Variants in LARGE1 observed in about 807,000 individuals in gnomAD.
LARGE1 encodes the protein xylosyl- and glucuronyltransferase LARGE1.
Under a neutral mutation model 87.6 loss-of-function variants are expected in LARGE1, and 43 were observed. That is an observed-to-expected ratio of 0.49 (90% CI 0.38 to 0.63). The LOEUF is 0.63. Among genes scored for constraint, LARGE1 ranks in the 30% least tolerant of loss-of-function variants. The pLI, the probability that LARGE1 is intolerant of heterozygous loss-of-function variation, is 0.00. For missense variants in LARGE1, 802 were observed against 1,000.2 expected, an observed-to-expected ratio of 0.80 and a Z score of 2.67; for synonymous variants, 434 against 394.6, an observed-to-expected ratio of 1.10 and a Z score of -1.18.
the LARGE1 span, among the ~76,000 whole-genome samples, chr22:33,152,448 T>C: frequency 7.9e-4 from 120 of 152,354 alleles, no homozygotes; most frequent in Middle Eastern, 3.4e-3. Flanking sequence ...ATTCCCACTG[T>C]TCCCAAAACG....
chr22:33,421,838 G>A (rs1372946925), intron 7 of LARGE1, among the ~76,000 whole-genome samples: 2 of 152,208 alleles, frequency 1.3e-5, no homozygotes, highest in Non-Finnish European at 2.9e-5. Context: ...ATTTCTGGGG[G>A]TAAGCAGGTG....
intron 1 of LARGE1, among the ~76,000 whole-genome samples, chr22:33,801,062 G>T (rs760425126): frequency 6.6e-6 from 1 of 152,108 alleles, no homozygotes; most frequent in Non-Finnish European, 1.5e-5. Context: ...ATGATAGTGA[G>T]TAAGTCTCAC....
Position 33,416,906 on chromosome 22 carries a change from C to CTTT in LARGE1, c.892+15252_892+15254dup, listed in dbSNP as rs35018256. On this transcript the variant is annotated intron_variant, in intron 7 of 14. Transcript: ENST00000397394. ...ACAGGTGTGAGGCACCACGCCCGGACTTTTTTTTTTTTTTTTTTTGAGACA... is the reference window on the plus strand; with the variant it reads ...ACAGGTGTGAGGCACCACGCCCGGACTTTTTTTTTTTTTTTTTTTTTTGAGACA... Among the ~76,000 whole-genome samples the CTTT allele has an allele frequency of 2.2e-4, 20 of 90,132 alleles. 1 individual carries two copies. Among genetic ancestry groups the CTTT allele is most frequent in the South Asian group, 7.6e-4 (2 of 2,620 alleles). 59.1% of individuals were successfully genotyped at this position (90,132 alleles called of 152,430 possible).
At chr22:33,332,004 T>A (rs767335675) in intron 10 of LARGE1, among the ~76,000 whole-genome samples, 1 of 152,064 alleles carries the variant, frequency 6.6e-6, no homozygotes, top group South Asian at 2.1e-4. Flanking sequence ...TTAATAATCC[T>A]CTGCTTGTCT....
intron 11 of LARGE1, among the ~76,000 whole-genome samples, chr22:33,176,552 C>T (rs1922883277): frequency 6.6e-6 from 1 of 152,090 alleles, no homozygotes; most frequent in Admixed American, 6.6e-5. Flanking sequence ...AAACTTATGA[C>T]AAAATGCTCA....
chr22:33,788,448 C>T (rs887274031), intron 1 of LARGE1, among the ~76,000 whole-genome samples: 2 of 151,650 alleles, frequency 1.3e-5, no homozygotes, highest in East Asian at 3.9e-4. Context: ...ATAAAGATAC[C>T]CAAAAAATGT....
At chr22:33,806,747 C>T (rs977357423) in intron 1 of LARGE1, among the ~76,000 whole-genome samples, 10 of 152,174 alleles carry the variant, frequency 6.6e-5, no homozygotes, top group Admixed American at 5.2e-4. Context: ...CGTGATGGCT[C>T]ATGCCTGTAA....
At chr22:33,689,525 G>A (rs1366721457) in intron 2 of LARGE1, among the ~76,000 whole-genome samples, 1 of 152,100 alleles carries the variant, frequency 6.6e-6, no homozygotes, top group African/African-American at 2.4e-5. Flanking sequence ...AAAGGAAATG[G>A]GTACTGGGAA....
At chr22:33,767,609 G>A (rs971265907) in intron 1 of LARGE1, among the ~76,000 whole-genome samples, 7 of 151,946 alleles carry the variant, frequency 4.6e-5, no homozygotes, top group East Asian at 3.9e-4. Flanking sequence ...CATTCCAAGC[G>A]TGTGCGCCAG....
chr22:33,481,371 C>T (rs559031242), intron 6 of LARGE1, among the ~76,000 whole-genome samples: 1 of 151,586 alleles, frequency 6.6e-6, no homozygotes, highest in South Asian at 2.1e-4. Flanking sequence ...GGGTTTACTT[C>T]TTCAGTGGAG....
At chr22:33,299,438 T>C (rs1423521507) in intron 12 of LARGE1, among the ~76,000 whole-genome samples, 1 of 152,120 alleles carries the variant, frequency 6.6e-6, no homozygotes. Context: ...ACATAGTACA[T>C]GCTCACTACA....
At chr22:33,382,123 C>T (rs2065179889) in intron 8 of LARGE1, 79 bp from the exon 9 acceptor site, 3 of 1,584,968 alleles carry the variant, frequency 1.9e-6, no homozygotes, top group Non-Finnish European at 1.7e-6. Context: ...GGCACTGCAT[C>T]CCCTGTGATA....
rs569189755 is a variant in LARGE1 at position 33,260,233 on chromosome 22, T to C, written c.1730+43996A>G. Reference sequence around the variant, plus strand: ...CACCCTGGCGCTTCCCCTGTGGCCCTGTAAGGCGTGGCATGCCCCCTCCTC... The same window carrying C: ...CACCCTGGCGCTTCCCCTGTGGCCCCGTAAGGCGTGGCATGCCCCCTCCTC... On this transcript the variant is annotated intron_variant, in intron 11 of 11. Coordinates refer to the LARGE1 transcript ENST00000608642. 2.3e-4 allele frequency among the ~76,000 whole-genome samples: 35 copies of C among 152,142 alleles called. No individual in the cohort carries two copies. The East Asian group carries it at 5.2e-3, about 23-fold the overall frequency.
chr22:33,422,331 G>T (rs1409051586), intron 7 of LARGE1, among the ~76,000 whole-genome samples: 1 of 152,174 alleles, frequency 6.6e-6, no homozygotes, highest in Non-Finnish European at 1.5e-5. Context: ...ATAAAGAAAA[G>T]TCATTTCATT....
chr22:33,500,509 A>G (rs2283909), intron 6 of LARGE1, among the ~76,000 whole-genome samples: 41,397 of 152,112 alleles, frequency 0.27, 5,907 homozygotes, highest in African/African-American at 0.31. Context: ...GGATATAAAA[A>G]TTCTAGTGAA....
chr22:33,516,586 A>G (rs757359830), intron 6 of LARGE1, among the ~76,000 whole-genome samples: 57 of 146,280 alleles, frequency 3.9e-4, no homozygotes, highest in Non-Finnish European at 6.7e-4. Flanking sequence ...ACTTCCTCCT[A>G]TTATTATTAT....
At chr22:33,848,312 C>T (rs1402250925) in intron 1 of LARGE1, among the ~76,000 whole-genome samples, 1 of 152,216 alleles carries the variant, frequency 6.6e-6, no homozygotes, top group African/African-American at 2.4e-5. Flanking sequence ...GTCTAAAGGA[C>T]TCAGTGTGTG....
intron 6 of LARGE1, among the ~76,000 whole-genome samples, chr22:33,533,429 C>T (rs374101896): frequency 4.6e-5 from 7 of 152,116 alleles, no homozygotes; most frequent in South Asian, 2.1e-4. Context: ...TCTCCCCATA[C>T]GGCCCCTTGG....
chr22:33,072,820 G>A, the LARGE1 span, among the ~76,000 whole-genome samples: 1 of 152,136 alleles, frequency 6.6e-6, no homozygotes, highest in Admixed American at 6.5e-5. Context: ...ATAGCCTGAA[G>A]ACCTTTTCTC....
Sources: gnomAD v4.1 joint callset for allele counts (sites outside exome capture counted in the v4.1 genomes callset) on GRCh38, gnomAD v4.1.1 for gene constraint, MANE v1.5 for transcripts, NCBI Gene and HGNC (gene_info 2026-07-23, HGNC 2026-07-21) for gene names.